The following SLC24A2 variants were observed in gnomAD, a reference collection of about 807,000 sequenced individuals.
The protein encoded by SLC24A2 is sodium/potassium/calcium exchanger 2.
SLC24A2 carries 36 observed loss-of-function variants against 62.0 expected under a neutral mutation model. That is an observed-to-expected ratio of 0.58 (90% CI 0.44 to 0.77). The LOEUF is 0.77. Among genes scored for constraint, SLC24A2 ranks in the 30% least tolerant of loss-of-function variants. The pLI is 0.00. For synonymous variants in SLC24A2, 358 were observed against 294.0 expected (o/e 1.22, Z -2.23); for missense variants, 846 against 817.9 (o/e 1.03, Z -0.42).
At chr9:20,227,628 T>C in the SLC24A2 span, among the ~76,000 whole-genome samples, 37 of 149,882 alleles carry the variant, frequency 2.5e-4, no homozygotes, top group African/African-American at 8.3e-4. Context: ...ATAACAAAAA[T>C]AGTGTCTCTT....
chr9:19,888,168 G>T, the SLC24A2 span, among the ~76,000 whole-genome samples: 1 of 152,116 alleles, frequency 6.6e-6, no homozygotes. Context: ...CTTTTAGTGG[G>T]CTGTTCACCT....
chr9:19,884,983 G>C, the SLC24A2 span, among the ~76,000 whole-genome samples: 1 of 152,168 alleles, frequency 6.6e-6, no homozygotes, highest in Admixed American at 6.6e-5. Context: ...TTCTTACAGA[G>C]TGGACAAGGT....
At chr9:19,760,018 T>C (rs1455778533) in intron 2 of SLC24A2, among the ~76,000 whole-genome samples, 1 of 152,238 alleles carries the variant, frequency 6.6e-6, no homozygotes, top group African/African-American at 2.4e-5. Context: ...TTTTGTTGAA[T>C]GTTGGTGTGA....
At chr9:19,665,994 T>C (rs943071312) in intron 2 of SLC24A2, among the ~76,000 whole-genome samples, 5 of 152,108 alleles carry the variant, frequency 3.3e-5, no homozygotes, top group Admixed American at 2.6e-4. Flanking sequence ...GGTAATGATA[T>C]GAGTTAGTAT....
chr9:19,589,441 T>C (rs1019660754), intron 5 of SLC24A2, among the ~76,000 whole-genome samples: 56 of 152,358 alleles, frequency 3.7e-4, no homozygotes, highest in African/African-American at 9.9e-4. Context: ...TTCACTCTTA[T>C]TGTCTTTCCT....
chr9:20,141,523 C>T, the SLC24A2 span, among the ~76,000 whole-genome samples: 3 of 151,910 alleles, frequency 2.0e-5, no homozygotes, highest in Non-Finnish European at 2.9e-5. Context: ...TACCAGCTGA[C>T]GGTATGTCAC....
At chr9:19,777,822 CTG>C (rs1822889190) in intron 2 of SLC24A2, among the ~76,000 whole-genome samples, 1 of 152,086 alleles carries the variant, frequency 6.6e-6, no homozygotes, top group Non-Finnish European at 1.5e-5. Flanking sequence ...AGAATATAAA[CTG>C]TTCAAAATTT....
chr9:19,667,844 T>G (rs1035110402), intron 2 of SLC24A2, among the ~76,000 whole-genome samples: 8 of 152,150 alleles, frequency 5.3e-5, no homozygotes, highest in Admixed American at 2.0e-4. Flanking sequence ...GGAAATGTTT[T>G]TCTCTGTCTT....
chr9:19,863,381 A>G, the SLC24A2 span, among the ~76,000 whole-genome samples: 1 of 152,156 alleles, frequency 6.6e-6, no homozygotes, highest in South Asian at 2.1e-4. Flanking sequence ...TGTACTCTAG[A>G]CCAAATGGAT....
At chr9:20,176,502 T>A in the SLC24A2 span, among the ~76,000 whole-genome samples, 15 of 152,094 alleles carry the variant, frequency 9.9e-5, no homozygotes, top group African/African-American at 3.4e-4. Flanking sequence ...ATGTAGTCAT[T>A]AAAATAACTT....
the SLC24A2 span, among the ~76,000 whole-genome samples, chr9:19,887,475 G>C: frequency 1.3e-5 from 2 of 152,082 alleles, no homozygotes; most frequent in African/African-American, 4.8e-5. Context: ...AATGATCATG[G>C]AAATGCAAAT....
the SLC24A2 span, among the ~76,000 whole-genome samples, chr9:20,145,017 T>A: frequency 3.3e-3 from 499 of 152,262 alleles, 4 homozygotes; most frequent in African/African-American, 0.012. Flanking sequence ...ACGCACCTGA[T>A]AATCCACCGA....
chr9:19,591,043 C>T (rs145249342), intron 5 of SLC24A2, among the ~76,000 whole-genome samples: 13 of 152,224 alleles, frequency 8.5e-5, no homozygotes, highest in African/African-American at 3.1e-4. Context: ...TGGGCCTCCC[C>T]TTTTTTCCCG....
chr9:19,854,059 A>C, the SLC24A2 span, among the ~76,000 whole-genome samples: 1 of 151,374 alleles, frequency 6.6e-6, no homozygotes, highest in Non-Finnish European at 1.5e-5. Context: ...GAATTTATCC[A>C]CTTCTATATT....
chr9:19,521,865 T>C (rs1383439836), intron 9 of SLC24A2, among the ~76,000 whole-genome samples: 3 of 71,960 alleles, frequency 4.2e-5, no homozygotes, highest in East Asian at 5.3e-4. Context: ...ACTTTTTTTC[T>C]TTTTTTTTCT....
At chr9:19,951,338 G>A in the SLC24A2 span, among the ~76,000 whole-genome samples, 1 of 151,454 alleles carries the variant, frequency 6.6e-6, no homozygotes, top group African/African-American at 2.4e-5. Flanking sequence ...TTTAGAAGAG[G>A]AAAAGTTTTT....
At chr9:20,167,391 G>A in the SLC24A2 span, among the ~76,000 whole-genome samples, 1 of 151,976 alleles carries the variant, frequency 6.6e-6, no homozygotes. Context: ...TGTGGAGAAA[G>A]GAACATACAG....
intron 8 of SLC24A2, among the ~76,000 whole-genome samples, chr9:19,529,586 T>G (rs948943505): frequency 2.6e-5 from 4 of 151,968 alleles, no homozygotes; most frequent in Middle Eastern, 3.2e-3. Context: ...CCACAGTGAG[T>G]AGCCAAAACC....
At chr9:19,665,692 C>T (rs1428132088) in intron 2 of SLC24A2, among the ~76,000 whole-genome samples, 1 of 152,134 alleles carries the variant, frequency 6.6e-6, no homozygotes, top group Non-Finnish European at 1.5e-5. Context: ...GTGGCATGAT[C>T]ATGGCTCACT....
Sources: gnomAD v4.1 joint callset for allele counts (sites outside exome capture counted in the v4.1 genomes callset) on GRCh38, gnomAD v4.1.1 for gene constraint, MANE v1.5 for transcripts, NCBI Gene and HGNC (gene_info 2026-07-23, HGNC 2026-07-21) for gene names.